NEDD9: variants seen among roughly 807,000 people sequenced by gnomAD.
The protein encoded by NEDD9 is neural precursor cell expressed, developmentally down-regulated 9, also known as enhancer of filamentation 1.
Under a neutral mutation model 76.6 loss-of-function variants are expected in NEDD9, and 26 were observed. The observed-to-expected ratio is 0.34, with a 90% confidence interval of 0.25 to 0.47. The LOEUF is 0.47. NEDD9 is among the 20% of genes least tolerant of loss of function. The pLI, the probability that NEDD9 is intolerant of heterozygous loss-of-function variation, is 1.00. For synonymous variants in NEDD9, 392 were observed against 414.2 expected, an observed-to-expected ratio of 0.95 and a Z score of 0.65; for missense variants, 937 against 1,058.5, an observed-to-expected ratio of 0.89 and a Z score of 1.59.
At chr6:11,290,895 G>A (rs1332238422) in intron 3 of NEDD9, among the ~76,000 whole-genome samples, 1 of 152,178 alleles carries the variant, frequency 6.6e-6, no homozygotes, top group East Asian at 1.9e-4. Flanking sequence ...TTCGGATTTA[G>A]GTTGATGATG....
chr6:11,335,114 G>A (rs560481569), intron 1 of NEDD9, among the ~76,000 whole-genome samples: 1 of 107,208 alleles, frequency 9.3e-6, no homozygotes, highest in Non-Finnish European at 1.8e-5. Flanking sequence ...TGCCTCATGA[G>A]TTGACTGAAA....
chr6:11,193,789 T>G, intron 2 of NEDD9, 97 bp from the exon 3 acceptor site: 3 of 696,510 alleles, frequency 4.3e-6, no homozygotes, highest in Non-Finnish European at 7.2e-6. Flanking sequence ...CTCTCCCTCA[T>G]AAAAAGATAG....
intron 1 of NEDD9, among the ~76,000 whole-genome samples, chr6:11,231,993 C>T (rs1215539547): frequency 1.3e-5 from 2 of 152,158 alleles, no homozygotes; most frequent in Non-Finnish European, 2.9e-5. Context: ...GTAATCTGGG[C>T]TTTTAATTTC....
intron 3 of NEDD9, among the ~76,000 whole-genome samples, chr6:11,281,909 A>G (rs373163242): frequency 2.0e-5 from 3 of 151,906 alleles, no homozygotes; most frequent in Non-Finnish European, 4.4e-5. Context: ...CACCCCAACC[A>G]GCTAATTTTT....
chr6:11,361,051 T>C (rs1762672792), intron 1 of NEDD9, among the ~76,000 whole-genome samples: 1 of 152,238 alleles, frequency 6.6e-6, no homozygotes, highest in Admixed American at 6.5e-5. Flanking sequence ...TGCCATTTAC[T>C]TTTGGTGCAC....
At chr6:11,249,362 G>A (rs1759869938) in intron 3 of NEDD9, 2 of 355,322 alleles carry the variant, frequency 5.6e-6, no homozygotes, top group Admixed American at 7.3e-5. Context: ...TATAAAGTCT[G>A]TAGAGACCCA....
intron 3 of NEDD9, among the ~76,000 whole-genome samples, chr6:11,245,049 C>A (rs919000201): frequency 1.3e-5 from 2 of 152,210 alleles, no homozygotes; most frequent in African/African-American, 2.4e-5. Flanking sequence ...CTTTGCACCC[C>A]CTGTGGCAGC....
At chr6:11,221,016 T>C (rs1759125576) in intron 1 of NEDD9, among the ~76,000 whole-genome samples, 1 of 152,166 alleles carries the variant, frequency 6.6e-6, no homozygotes, top group Non-Finnish European at 1.5e-5. Flanking sequence ...CGGTGGAAGA[T>C]GAATTTGACT....
chr6:11,276,380 C>T (rs912769189), intron 3 of NEDD9, among the ~76,000 whole-genome samples: 2 of 151,948 alleles, frequency 1.3e-5, no homozygotes, highest in African/African-American at 4.8e-5. Flanking sequence ...CACCTGTGCA[C>T]GTGTGTGTGT....
intron 1 of NEDD9, among the ~76,000 whole-genome samples, chr6:11,375,329 C>T (rs1762953819): frequency 6.6e-6 from 1 of 152,212 alleles, no homozygotes; most frequent in South Asian, 2.1e-4. Context: ...CCCAAACAGG[C>T]AGAAATTGAC....
rs1234798550 is a variant in NEDD9, at chr6:11,305,416, T to G, written c.12+576A>C. The stretch of plus-strand genomic sequence containing the variant: ...TCAATGCCACTATGCCATGCGATGA[T>G]GCCTGCCTCTTTTAGAGGCCAACTA... On this transcript the variant is annotated intron_variant, in intron 3 of 3. Transcript: ENST00000397378. 7 of 232,724 alleles carry G rather than the reference T, an allele frequency of 3.0e-5. No homozygotes were observed. In the Admixed American group the frequency reaches 3.7e-4, roughly 12 times the overall value. The allele number at this position is 232,724 out of a possible 1,614,324, so 14.4% of individuals were successfully genotyped here.
Position 11,190,844 on chromosome 6 carries a change from T to A in NEDD9, c.1025A>T (p.Asp342Val). ...TSEKANPQER[D>V]GVYDVPLHNP... ...ATGCAGAGGGACATCATAAACACCA[T>A]CCCTTTCCTGGGGGTTTGCTTTCTC... Residue 342 changes from aspartate (D) to valine (V), a missense_variant, in exon 5 of 7, where the codon GAT becomes GTT. Physicochemically the swap from Asp to Val is radical, Grantham distance 152. Transcript: ENST00000379446. The surrounding 1 kb of genome is among the most constrained non-coding windows in gnomAD (Gnocchi z 5.8). 1 of 1,614,054 alleles carries A rather than the reference T, an allele frequency of 6.2e-7. No homozygotes were observed. Among genetic ancestry groups the A allele is most frequent in the South Asian group, 1.1e-5 (1 of 91,074 alleles).
intron 2 of NEDD9, chr6:11,200,494 A>G: frequency 1.9e-6 from 2 of 1,077,798 alleles, no homozygotes; most frequent in East Asian, 1.5e-4. Context: ...GGAACAAGAC[A>G]AGCAACAGTC....
At chr6:11,279,831 C>G (rs1760498216) in intron 3 of NEDD9, among the ~76,000 whole-genome samples, 1 of 152,218 alleles carries the variant, frequency 6.6e-6, no homozygotes, top group Admixed American at 6.5e-5. Context: ...TATTCCTTCC[C>G]TCCAGTTCTT....
chr6:11,334,625 A>T (rs1395664575), intron 1 of NEDD9: 2 of 152,308 alleles, frequency 1.3e-5, no homozygotes, highest in African/African-American at 4.8e-5. Flanking sequence ...TTGCTGTTTG[A>T]TATTGGAATA....
chr6:11,282,738 T>A (rs981512633), intron 3 of NEDD9, among the ~76,000 whole-genome samples: 1 of 152,236 alleles, frequency 6.6e-6, no homozygotes, highest in Non-Finnish European at 1.5e-5. Flanking sequence ...TCCTTGTTCA[T>A]CTAAGCCACC....
chr6:11,349,024 A>T (rs1231241178), intron 1 of NEDD9, among the ~76,000 whole-genome samples: 2 of 152,250 alleles, frequency 1.3e-5, no homozygotes, highest in African/African-American at 2.4e-5. Context: ...CAAACTATGC[A>T]TCTTACATCT....
chr6:11,317,613 G>C (rs1024679738), intron 2 of NEDD9, among the ~76,000 whole-genome samples: 1 of 152,062 alleles, frequency 6.6e-6, no homozygotes, highest in African/African-American at 2.4e-5. Flanking sequence ...AAAATGATGG[G>C]GACAGGCGCC....
chr6:11,267,924 T>C lies in NEDD9; in HGVS notation c.12+38068A>G, dbSNP rs959704642. On this transcript the variant is annotated intron_variant, in intron 3 of 3. Coordinates refer to the NEDD9 transcript ENST00000397378. Reference sequence around the variant, plus strand: ...GTAAAAGGGGGCACCAAACTGACCCTCAGGCTTCACCCTACAACAGATTTA... The same window carrying C: ...GTAAAAGGGGGCACCAAACTGACCCCCAGGCTTCACCCTACAACAGATTTA... Among the ~76,000 whole-genome samples the C allele has an allele frequency of 8.5e-5, 13 of 152,334 alleles. No homozygotes were observed. In the South Asian group the frequency reaches 2.7e-3, roughly 32 times the overall value.
Sources: gnomAD v4.1 joint callset for allele counts (sites outside exome capture counted in the v4.1 genomes callset) on GRCh38, gnomAD v4.1.1 for gene constraint, Gnocchi (gnomAD v3.1) non-coding constraint, MANE v1.5 for transcripts, NCBI Gene and HGNC (gene_info 2026-07-23, HGNC 2026-07-21) for gene names.